SFPQ: variants seen among roughly 807,000 people sequenced by gnomAD.
SFPQ encodes splicing factor, proline- and glutamine-rich.
SFPQ carries 11 observed loss-of-function variants against 72.9 expected under a neutral mutation model. The observed-to-expected ratio is 0.15, with a 90% confidence interval of 0.09 to 0.25. The LOEUF (loss-of-function observed/expected upper bound fraction) is 0.25, where lower values mean the gene tolerates loss of function less well. Among genes scored for constraint, SFPQ ranks in the 10% least tolerant of loss-of-function variants. The probability of loss-of-function intolerance (pLI) is 1.00; values close to 1 mark genes in which losing one functional copy is unlikely to be tolerated. For synonymous variants in SFPQ, 506 were observed against 367.3 expected (o/e 1.38, Z -4.32); for missense variants, 847 against 993.3 (o/e 0.85, Z 1.98).
Position 35,192,611 on chromosome 1 carries a change from G to C in SFPQ, c.439C>G (p.Pro147Ala). 2.2e-6 allele frequency: 3 copies of C among 1,369,350 alleles called. No individual in the cohort carries two copies. The highest frequency in any genetic ancestry group is 2.8e-6 in the Non-Finnish European group (3 of 1,070,130). 84.8% of individuals were successfully genotyped at this position (1,369,350 alleles called of 1,614,324 possible). The change falls in exon 1 of 10, where the codon CCA (proline) becomes GCA (alanine). Residue 147 changes from proline (P) to alanine (A), a missense_variant. This residue lies in a region of SFPQ where 498 missense variants were observed against 405.1 expected (regional missense o/e 1.23). Coordinates refer to ENST00000357214, the MANE Select transcript of SFPQ (RefSeq NM_005066.3). ...PTSGAPPGSG[P>A]GPTPTPPPAV... is the part of the protein sequence containing the mutation. ...GGCGGCGGGGTCGGAGTCGGGCCTG[G>C]CCCGGACCCTGGCGGGGCCCCCGAG...
At position 35,192,324 on chromosome 1, in the gene SFPQ, GC is replaced by G; in HGVS notation, c.725del (p.Arg242ProfsTer44). On this transcript the variant is annotated frameshift_variant, in exon 1 of 10. Coordinates refer to ENST00000357214, the MANE Select transcript of SFPQ (RefSeq NM_005066.3). LOFTEE classifies it high-confidence loss of function. Reference sequence around the variant, plus strand: ...AGGGCGGGTGGTGCTGGCGGCCCCCGCGGGGCTCCCCGCCGCCTCGATGCGG... The same window carrying G: ...AGGGCGGGTGGTGCTGGCGGCCCCCGGGGGCTCCCCGCCGCCTCGATGCGG... Reference protein sequence around the residue: ...KPPHRGGGEPRGGRQHHPPYH... With the variant: ...KPPHRGGGEPXGGRQHHPPYH... 7.0e-7 allele frequency: 1 copy of G among 1,422,158 alleles called. No individual in the cohort carries two copies. Among genetic ancestry groups the G allele is most frequent in the Non-Finnish European group, 9.1e-7 (1 of 1,100,586 alleles). The allele number at this position is 1,422,158 out of a possible 1,614,324, so 88.1% of individuals were successfully genotyped here.
At chr1:35,182,803 A>G (rs545517035), downstream of SFPQ, 33 of 1,051,940 alleles carry the variant, frequency 3.1e-5, no homozygotes, top group Non-Finnish European at 3.7e-5. Context: ...TTCCTCTAAC[A>G]TATTTACACT....
At chr1:35,179,038 A>AATCCT, downstream of SFPQ, 1 of 1,059,162 alleles carries the variant, frequency 9.4e-7, no homozygotes, top group Non-Finnish European at 1.1e-6. Context: ...AGGAGCAGTC[A>AATCCT]AATCCTCTGA....
downstream of SFPQ, chr1:35,182,913 CAATT>C (rs1446674263): frequency 7.7e-6 from 8 of 1,044,574 alleles, no homozygotes; most frequent in Non-Finnish European, 9.2e-6. Context: ...ATGAAGTTGA[CAATT>C]AACTGACAAC....
downstream of SFPQ, chr1:35,178,914 C>A: frequency 9.5e-7 from 1 of 1,050,880 alleles, no homozygotes; most frequent in Non-Finnish European, 1.1e-6. Flanking sequence ...TTTTTTTCAG[C>A]ACTGGTGTTC....
downstream of SFPQ, chr1:35,178,069 GA>G: frequency 7.9e-7 from 1 of 1,268,730 alleles, no homozygotes; most frequent in South Asian, 1.4e-5. Context: ...TAATATAAAA[GA>G]CAAGGGTATA....
chr1:35,181,568 A>G, downstream of SFPQ: 1 of 1,061,984 alleles, frequency 9.4e-7, no homozygotes, highest in Non-Finnish European at 1.1e-6. Flanking sequence ...TGCTTATAAA[A>G]TACCTATTAA....
chr1:35,181,950 C>T (rs545820866), downstream of SFPQ: 11 of 984,198 alleles, frequency 1.1e-5, no homozygotes, highest in African/African-American at 1.4e-4. Flanking sequence ...TGCTAAACAA[C>T]GTTTAGCAAC....
chr1:35,180,562 G>A (rs1639425391), downstream of SFPQ: 3 of 1,049,662 alleles, frequency 2.9e-6, no homozygotes, highest in Non-Finnish European at 3.5e-6. Context: ...ATTCACATTA[G>A]ATTCCCATCT....
Position 35,183,455 on chromosome 1 carries a change from G to C in SFPQ, c.*1001C>G. 1.6e-5 allele frequency: 9 copies of C among 557,978 alleles called. No individual in the cohort carries two copies. The highest frequency in any genetic ancestry group is 2.1e-5 in the Non-Finnish European group (9 of 432,834). 34.6% of individuals were successfully genotyped at this position (557,978 alleles called of 1,614,324 possible). The stretch of plus-strand genomic sequence containing the variant: ...GCTGGTCTTGAACTCCTGATCTCAT[G>C]ATTTGCCCACCTCAGCCTCCCAAAG... On this transcript the variant is annotated 3_prime_UTR_variant, in exon 10 of 10. Transcript: ENST00000357214.
chr1:35,192,667 G>T lies in SFPQ; in HGVS notation c.383C>A (p.Ser128Tyr). Residue 128 changes from serine to tyrosine, a missense_variant, in exon 1 of 10, where the codon TCC becomes TAC. Transcript: ENST00000357214. ...TGGAGTGGCGGGCGGGGCCGAGCTG[G>T]AGGCTGGTGGTGCGCTGCCTACTCC... ...APGVGSAPPA[S>Y]SSAPPATPPT... 7.2e-7 allele frequency: 1 copy of T among 1,398,252 alleles called. No homozygotes were observed. The highest frequency in any genetic ancestry group is 9.2e-7 in the Non-Finnish European group (1 of 1,085,306). The allele number at this position is 1,398,252 out of a possible 1,614,324, so 86.6% of individuals were successfully genotyped here.
At chr1:35,187,871 G>A in intron 7 of SFPQ, 102 bp downstream of exon 7, 2 of 744,214 alleles carry the variant, frequency 2.7e-6, no homozygotes, top group Non-Finnish European at 2.3e-6. Context: ...AAAAAAAGCA[G>A]AAAATAACTG....
intron 9 of SFPQ, 150 bp from the exon 10 acceptor site, chr1:35,184,743 G>A: frequency 8.4e-7 from 1 of 1,190,926 alleles, no homozygotes. Context: ...AGGAAAAAAG[G>A]GTAATTTGAA....
chr1:35,189,319 T>A lies in SFPQ; in HGVS notation c.1479A>T (p.Arg493=). The change falls in exon 5 of 10, where the codon CGA becomes CGT. Residue 493 remains arginine (R), a synonymous_variant. Transcript: ENST00000357214. The stretch of plus-strand genomic sequence containing the variant: ...TTTCCATTTCATCCAAAGACTTCCA[T>A]CGCTGAGAATATTCGTACTCAAACG... ...HGTFEYEYSQ[R]WKSLDEMEKQ... 6.2e-7 allele frequency: 1 copy of A among 1,614,172 alleles called. No individual in the cohort carries two copies. The highest frequency in any genetic ancestry group is 1.1e-5 in the South Asian group (1 of 91,082).
At position 35,183,201 on chromosome 1, in the gene SFPQ, A is replaced by T. The variant is rs1020212872; in HGVS notation, c.*1255T>A. The stretch of plus-strand genomic sequence containing the variant: ...GTTACAGAGTACAAATGTATATATA[A>T]CTAAACCTACTTCAGTACTAAACCT... On this transcript the variant is annotated 3_prime_UTR_variant, in exon 10 of 10. Transcript: ENST00000357214. 4 of 1,014,882 alleles carry T rather than the reference A, an allele frequency of 3.9e-6. No individual in the cohort carries two copies. The Admixed American group carries it at 1.8e-4, about 45-fold the overall frequency. The allele number at this position is 1,014,882 out of a possible 1,614,324, so 62.9% of individuals were successfully genotyped here. A position where few individuals can be genotyped will look rare whatever the true frequency, so the allele number is the denominator to read the frequency against.
intron 5 of SFPQ, chr1:35,176,578 C>G (rs1039493058): frequency 6.6e-6 from 1 of 152,040 alleles, no homozygotes; most frequent in African/African-American, 2.4e-5. Flanking sequence ...CCAAAGAAAT[C>G]TTATTAATCG....
Position 35,192,693 on chromosome 1 carries a change from G to T in SFPQ, c.357C>A (p.Pro119=). The change falls in exon 1 of 10, where the codon CCC becomes CCA. Residue 119 remains proline, a synonymous_variant. Transcript: ENST00000357214. Reference sequence around the variant, plus strand: ...AGGCTGGTGGTGCGCTGCCTACTCCGGGAGCGGGGCCGGGTCCCTGAGCAA... The same window carrying T: ...AGGCTGGTGGTGCGCTGCCTACTCCTGGAGCGGGGCCGGGTCCCTGAGCAA... ...PVVAQGPGPA[P]GVGSAPPASS... 7.0e-7 allele frequency: 1 copy of T among 1,438,458 alleles called. No individual in the cohort carries two copies. The highest frequency in any genetic ancestry group is 2.9e-5 in the East Asian group (1 of 34,446). The allele number at this position is 1,438,458 out of a possible 1,614,324, so 89.1% of individuals were successfully genotyped here.
downstream of SFPQ, chr1:35,182,297 C>G: frequency 1.0e-6 from 1 of 985,110 alleles, no homozygotes; most frequent in Non-Finnish European, 1.2e-6. Context: ...TAATCAAGAC[C>G]CTTGTTTCCG....
rs919347208 is a variant in SFPQ, at chr1:35,189,836, G to A, written c.1416-454C>T. Reference sequence around the variant, plus strand: ...ATGGTGGCAGGCACCTGTAATCCCAGCTATTCTGGAACCCTGAGGCAGGAG... The same window carrying A: ...ATGGTGGCAGGCACCTGTAATCCCAACTATTCTGGAACCCTGAGGCAGGAG... On this transcript the variant is annotated intron_variant, in intron 4 of 9. Coordinates refer to ENST00000357214, the MANE Select transcript of SFPQ (RefSeq NM_005066.3). Among the ~76,000 whole-genome samples the A allele has an allele frequency of 1.7e-4, 26 of 152,108 alleles. 1 individual carries two copies. Among genetic ancestry groups the A allele is most frequent in the African/African-American group, 4.6e-4 (19 of 41,390 alleles).
Sources: allele counts gnomAD v4.1 joint callset (sites outside exome capture counted in the v4.1 genomes callset), GRCh38; gene constraint gnomAD v4.1.1; regional missense constraint gnomAD v4.1.1; transcripts MANE v1.5; gene names NCBI Gene and HGNC (gene_info 2026-07-23, HGNC 2026-07-21).